Variants in XRCC4 observed in about 807,000 individuals in gnomAD.
XRCC4 encodes DNA repair protein XRCC4.
A neutral mutation model predicts 39.1 loss-of-function variants in XRCC4; 28 were observed. That is an observed-to-expected ratio of 0.72 (90% CI 0.53 to 0.98). The LOEUF (loss-of-function observed/expected upper bound fraction) is 0.98. XRCC4 is among the 50% of genes least tolerant of loss of function. The pLI, the probability that XRCC4 is intolerant of heterozygous loss-of-function variation, is 0.00. For missense variants in XRCC4, 350 were observed against 376.4 expected, an observed-to-expected ratio of 0.93 and a Z score of 0.58; for synonymous variants, 123 against 126.4, an observed-to-expected ratio of 0.97 and a Z score of 0.18.
intron 3 of XRCC4, among the ~76,000 whole-genome samples, chr5:83,155,323 C>T (rs1041612924): frequency 6.6e-5 from 10 of 152,106 alleles, no homozygotes; most frequent in African/African-American, 1.9e-4. Flanking sequence ...GAAAAGTTGT[C>T]ACTGTTAGGA....
intron 3 of XRCC4, among the ~76,000 whole-genome samples, chr5:83,160,152 C>G (rs1189089004): frequency 6.6e-6 from 1 of 151,972 alleles, no homozygotes; most frequent in Admixed American, 6.6e-5. Flanking sequence ...AATTAAAGAA[C>G]AATTAAATTT....
At chr5:83,364,131 T>A in the XRCC4 span, among the ~76,000 whole-genome samples, 1 of 152,214 alleles carries the variant, frequency 6.6e-6, no homozygotes, top group African/African-American at 2.4e-5. Flanking sequence ...TGAACTAACC[T>A]TTTATTCCCT....
downstream of XRCC4, among the ~76,000 whole-genome samples, chr5:83,355,637 G>GTGTTT (rs113419292): frequency 0.01 from 1,538 of 152,206 alleles, 23 homozygotes; most frequent in African/African-American, 0.035. Flanking sequence ...ATGCACATAG[G>GTGTTT]TGTTTTGTTT....
At chr5:83,125,494 G>A (rs1747214682) in intron 3 of XRCC4, among the ~76,000 whole-genome samples, 1 of 152,168 alleles carries the variant, frequency 6.6e-6, no homozygotes. Context: ...TCTTGGCTAT[G>A]AATGTCAATT....
At chr5:83,164,445 G>A (rs937528074) in intron 3 of XRCC4, among the ~76,000 whole-genome samples, 1 of 152,084 alleles carries the variant, frequency 6.6e-6, no homozygotes, top group African/African-American at 2.4e-5. Context: ...CCTAATTTAA[G>A]CATGTATCAC....
chr5:83,340,701 T>C (rs1395493142), intron 7 of XRCC4, among the ~76,000 whole-genome samples: 1 of 152,164 alleles, frequency 6.6e-6, no homozygotes, highest in Non-Finnish European at 1.5e-5. Context: ...TTCTTGACTT[T>C]TGATCACTGA....
At chr5:83,153,547 A>G (rs1052694925) in intron 3 of XRCC4, among the ~76,000 whole-genome samples, 1 of 152,228 alleles carries the variant, frequency 6.6e-6, no homozygotes, top group Admixed American at 6.5e-5. Flanking sequence ...TAGGTGGCAG[A>G]TAAGCACATT....
chr5:83,211,328 C>T (rs1751636372), intron 6 of XRCC4, among the ~76,000 whole-genome samples: 1 of 152,188 alleles, frequency 6.6e-6, no homozygotes, highest in South Asian at 2.1e-4. Context: ...AGAGGGCTCA[C>T]TCAATTTGCA....
At chr5:83,209,660 G>C (rs894914101) in intron 6 of XRCC4, among the ~76,000 whole-genome samples, 1 of 151,894 alleles carries the variant, frequency 6.6e-6, no homozygotes, top group Non-Finnish European at 1.5e-5. Flanking sequence ...CTATCATAAG[G>C]CTAATGATTT....
chr5:83,149,432 T>G (rs1469362710), intron 3 of XRCC4, among the ~76,000 whole-genome samples: 1 of 151,942 alleles, frequency 6.6e-6, no homozygotes, highest in East Asian at 1.9e-4. Context: ...TGTAATATGC[T>G]ATACTTTAAT....
chr5:83,094,322 C>G (rs1357319683), intron 1 of XRCC4, among the ~76,000 whole-genome samples: 1 of 130,764 alleles, frequency 7.6e-6, no homozygotes, highest in East Asian at 2.6e-4. Context: ...CCTCCCCTCC[C>G]CTCTCCTCCC....
chr5:83,079,476 C>A (rs1026001623), intron 1 of XRCC4, among the ~76,000 whole-genome samples: 1 of 152,084 alleles, frequency 6.6e-6, no homozygotes, highest in Admixed American at 6.5e-5. Context: ...ATCTTGGATC[C>A]TTTCCTTACT....
At chr5:83,179,021 A>G (rs1467545653) in intron 3 of XRCC4, among the ~76,000 whole-genome samples, 1 of 151,960 alleles carries the variant, frequency 6.6e-6, no homozygotes, top group Non-Finnish European at 1.5e-5. Context: ...ATACCGGTTT[A>G]CTCCACTAGA....
At chr5:83,177,423 G>A (rs1269544957) in intron 3 of XRCC4, among the ~76,000 whole-genome samples, 1 of 146,468 alleles carries the variant, frequency 6.8e-6, no homozygotes, top group Non-Finnish European at 1.5e-5. Flanking sequence ...TTGTTCATCA[G>A]AATAGCTTTA....
intron 3 of XRCC4, among the ~76,000 whole-genome samples, chr5:83,129,600 A>C (rs373021798): frequency 1.3e-5 from 2 of 152,044 alleles, no homozygotes; most frequent in Non-Finnish European, 2.9e-5. Flanking sequence ...GATTCTTCCT[A>C]TCCATGAGCA....
chr5:83,241,876 A>G (rs537943983), intron 6 of XRCC4, among the ~76,000 whole-genome samples: 2 of 152,194 alleles, frequency 1.3e-5, no homozygotes, highest in East Asian at 1.9e-4. Context: ...ACTATTCATT[A>G]AGTGGAAGTG....
the XRCC4 span, among the ~76,000 whole-genome samples, chr5:83,366,321 T>G: frequency 6.6e-6 from 1 of 152,298 alleles, no homozygotes; most frequent in Non-Finnish European, 1.5e-5. Context: ...TGGTGTTCTC[T>G]TACAGCAGAA....
At chr5:83,174,440 T>A (rs1252146707) in intron 3 of XRCC4, among the ~76,000 whole-genome samples, 1 of 152,164 alleles carries the variant, frequency 6.6e-6, no homozygotes, top group Non-Finnish European at 1.5e-5. Context: ...GTCAGAGTAA[T>A]CCTTTCCCTT....
At chr5:83,131,269 T>C (rs1371947238) in intron 3 of XRCC4, among the ~76,000 whole-genome samples, 2 of 152,200 alleles carry the variant, frequency 1.3e-5, no homozygotes, top group Non-Finnish European at 2.9e-5. Flanking sequence ...TTCCATGTAG[T>C]TGGCAGTTTT....
Sources: gnomAD v4.1 joint callset for allele counts (sites outside exome capture counted in the v4.1 genomes callset) on GRCh38, gnomAD v4.1.1 for gene constraint, MANE v1.5 for transcripts, NCBI Gene and HGNC (gene_info 2026-07-23, HGNC 2026-07-21) for gene names.